The following TAC1 variants were observed in gnomAD, a reference collection of about 807,000 sequenced individuals.
TAC1 encodes tachykinin precursor 1.
A neutral mutation model predicts 21.7 loss-of-function variants in TAC1; 12 were observed. That is an observed-to-expected ratio of 0.55 (90% CI 0.35 to 0.89). The LOEUF (loss-of-function observed/expected upper bound fraction) is 0.89, where lower values mean the gene tolerates loss of function less well. Among genes scored for constraint, TAC1 ranks in the 40% least tolerant of loss-of-function variants. The probability of loss-of-function intolerance (pLI) is 0.01; values close to 1 mark genes in which losing one functional copy is unlikely to be tolerated. For synonymous variants in TAC1, 52 were observed against 52.0 expected, an observed-to-expected ratio of 1.00 and a Z score of 0.00; for missense variants, 128 against 151.4, an observed-to-expected ratio of 0.85 and a Z score of 0.81.
chr7:97,733,884 A>G, intron 3 of TAC1, 65 bp downstream of exon 3: 2 of 1,470,890 alleles, frequency 1.4e-6, no homozygotes, highest in Non-Finnish European at 1.9e-6. Flanking sequence ...TCCTTCCTGG[A>G]GTACCCCAGG....
chr7:97,733,615 G>A, intron 2 of TAC1, 108 bp from the exon 3 acceptor site: 1 of 1,043,638 alleles, frequency 9.6e-7, no homozygotes, highest in Non-Finnish European at 1.4e-6. Context: ...GGGGAAGGCC[G>A]CCTCCCCACG....
chr7:97,732,735 G>T lies in TAC1; in HGVS notation c.123G>T (p.Lys41Asn), dbSNP rs765610639. The T allele has an allele frequency of 1.2e-6, 2 of 1,613,374 alleles. No individual in the cohort carries two copies. Residue 41 changes from lysine to asparagine, a missense_variant and splice_region_variant, in exon 2 of 7, where the codon AAG becomes AAT. Physicochemically the swap from Lys to Asn is moderately conservative, Grantham distance 94. Transcript: ENST00000319273. The surrounding 1 kb of genome is among the most constrained non-coding windows in gnomAD (Gnocchi z 6.2). ...WSDWYDSDQIKEELPEPFEHL... is the reference protein window; with the variant it reads ...WSDWYDSDQINEELPEPFEHL... ...ACTGGTACGACAGCGACCAGATCAA[G>T]GTGAGGCCCCTTCCCAGGACGGCCC...
chr7:97,738,373 C>G (rs1789622765), intron 6 of TAC1, among the ~76,000 whole-genome samples: 1 of 151,930 alleles, frequency 6.6e-6, no homozygotes, highest in African/African-American at 2.4e-5. Context: ...AGAAACTCTG[C>G]TTCCATGTAA....
chr7:97,738,210 T>G (rs908536505), intron 6 of TAC1, among the ~76,000 whole-genome samples: 6 of 151,970 alleles, frequency 3.9e-5, no homozygotes, highest in African/African-American at 1.4e-4. Flanking sequence ...ATCATAGCCT[T>G]AATCTATAGC....
Position 97,732,783 on chromosome 7 carries a change from G to A in TAC1, c.123+48G>A, listed in dbSNP as rs1158503020. On this transcript the variant is annotated intron_variant, in intron 2 of 6. Transcript: ENST00000319273. The surrounding 1 kb of genome is among the most constrained non-coding windows in gnomAD (Gnocchi z 6.2). ...CCCGCACCCTTCTTCCTGGGCTCGG[G>A]AGCTGTCACCTTCCCACGCAACAGC... The A allele has an allele frequency of 2.5e-6, 4 of 1,590,234 alleles. No individual in the cohort carries two copies. The highest frequency in any genetic ancestry group is 3.4e-6 in the Non-Finnish European group (4 of 1,168,332).
chr7:97,736,191 G>A, intron 5 of TAC1, 108 bp from the exon 6 acceptor site: 1 of 830,904 alleles, frequency 1.2e-6, no homozygotes, highest in Non-Finnish European at 1.8e-6. Flanking sequence ...GAAGTAGATA[G>A]ATATTTATTA....
rs1789495860 is a variant in TAC1, at chr7:97,733,806, C to G, written c.207C>G (p.Gly69=). The G allele has an allele frequency of 1.2e-6, 2 of 1,614,044 alleles. No individual in the cohort carries two copies. The highest frequency in any genetic ancestry group is 8.5e-7 in the Non-Finnish European group (1 of 1,180,026). The change falls in exon 3 of 7, where the codon GGC becomes GGG. Residue 69 remains glycine (G), a synonymous_variant. Coordinates refer to ENST00000319273, the MANE Select transcript of TAC1 (RefSeq NM_003182.3). ...PKPQQFFGLM[G]KRDADSSIEK... ...CTCAGCAGTTCTTTGGATTAATGGG[C>G]AAACGGGATGCTGGTGAGATAGGCG...
At chr7:97,737,172 T>C (rs1789591846) in intron 6 of TAC1, among the ~76,000 whole-genome samples, 1 of 152,004 alleles carries the variant, frequency 6.6e-6, no homozygotes, top group African/African-American at 2.4e-5. Flanking sequence ...AGAAGCTCAC[T>C]TTTTGTTAAG....
chr7:97,738,908 A>T (rs1313335496), intron 6 of TAC1, among the ~76,000 whole-genome samples: 1 of 151,800 alleles, frequency 6.6e-6, no homozygotes, highest in Non-Finnish European at 1.5e-5. Flanking sequence ...GTATTCGTTA[A>T]GGATGAAAAA....
chr7:97,734,184 GTTTCCTTGA>G lies in TAC1; in HGVS notation c.221-63_221-55del, dbSNP rs1789506201. 2.7e-6 allele frequency: 4 copies of G among 1,494,106 alleles called. No individual in the cohort carries two copies. In the Admixed American group the frequency reaches 5.1e-5, roughly 19 times the overall value. The allele number at this position is 1,494,106 out of a possible 1,614,324, so 92.6% of individuals were successfully genotyped here. A position where few individuals can be genotyped will look rare whatever the true frequency, so the allele number is the denominator to read the frequency against. ...ACATTTGTCTTGGGATAGAAATATC[GTTTCCTTGA>G]ATTCATCGCACGGTCAGTGGAACAT... On this transcript the variant is annotated intron_variant, in intron 3 of 6. Transcript: ENST00000319273.
In TAC1 at chr7:97,734,309, A is replaced by C; in HGVS notation, c.265+17A>C. 1 of 1,606,498 alleles carries C rather than the reference A, an allele frequency of 6.2e-7. No individual in the cohort carries two copies. Among genetic ancestry groups the C allele is most frequent in the Non-Finnish European group, 8.5e-7 (1 of 1,173,936 alleles). ...CTCTTTATGGTAAACATTCCTATAAATCTTTATTTTACTATTGTGAAAGCA... is the reference window on the plus strand; with the variant it reads ...CTCTTTATGGTAAACATTCCTATAACTCTTTATTTTACTATTGTGAAAGCA... On this transcript the variant is annotated intron_variant, in intron 4 of 6. Transcript: ENST00000319273.
rs916966766 is a variant in TAC1, at chr7:97,739,934, A to G, written c.*14A>G. ...AGAAGACGTTAATAAACTACCTAAC[A>G]TTATTTATTCAGCTTCATTTGTGTC... On this transcript the variant is annotated 3_prime_UTR_variant, in exon 7 of 7. Transcript: ENST00000319273. 3 of 1,589,786 alleles carry G rather than the reference A, an allele frequency of 1.9e-6. No individual in the cohort carries two copies. Among genetic ancestry groups the G allele is most frequent in the African/African-American group, 1.3e-5 (1 of 74,288 alleles).
intron 5 of TAC1, 147 bp from the exon 6 acceptor site, chr7:97,736,152 T>C: frequency 1.8e-6 from 1 of 553,976 alleles, no homozygotes; most frequent in Non-Finnish European, 3.1e-6. Flanking sequence ...TTTTAAGGAA[T>C]CTTTATTTCT....
chr7:97,734,374 T>TA (rs1476355044), intron 4 of TAC1, 82 bp downstream of exon 4: 1 of 1,258,268 alleles, frequency 7.9e-7, no homozygotes, highest in East Asian at 2.4e-5. Context: ...TGGGCTGAAA[T>TA]ACAAGATCTG....
In TAC1 at chr7:97,732,946, C is replaced by A; in HGVS notation, c.123+211C>A. 1 of 610,784 alleles carries A rather than the reference C, an allele frequency of 1.6e-6. No individual in the cohort carries two copies. Among genetic ancestry groups the A allele is most frequent in the Non-Finnish European group, 2.7e-6 (1 of 366,932 alleles). 37.8% of individuals were successfully genotyped at this position (610,784 alleles called of 1,614,324 possible). On this transcript the variant is annotated intron_variant, in intron 2 of 6. Coordinates refer to ENST00000319273, the MANE Select transcript of TAC1 (RefSeq NM_003182.3). This position sits in a 1 kb window ranked among gnomAD's most constrained non-coding sequence, Gnocchi z 6.2. ...TTCAAGTTTCTTCCCGAGGGCTGCA[C>A]CGTCCGGCCCAGGAACTCCCTGCAG...
At chr7:97,734,344 A>T (rs1406698656) in intron 4 of TAC1, 52 bp downstream of exon 4, 2 of 1,520,508 alleles carry the variant, frequency 1.3e-6, no homozygotes, top group Admixed American at 3.5e-5. Flanking sequence ...ACATGTAGGA[A>T]AGTGAAATAA....
intron 4 of TAC1, 33 bp downstream of exon 4, chr7:97,734,325 TG>T: frequency 6.3e-7 from 1 of 1,578,782 alleles, no homozygotes; most frequent in Non-Finnish European, 8.7e-7. Context: ...ATTTTACTAT[TG>T]TGAAAGCACA....
At chr7:97,739,768 A>G in intron 6 of TAC1, 106 bp from the exon 7 acceptor site, 1 of 674,646 alleles carries the variant, frequency 1.5e-6, no homozygotes, top group Admixed American at 3.3e-5. Flanking sequence ...TAGAGGGAAA[A>G]TGTCATTATG....
chr7:97,732,790 C>G lies in TAC1; in HGVS notation c.123+55C>G. 1 of 1,582,736 alleles carries G rather than the reference C, an allele frequency of 6.3e-7. No homozygotes were observed. The highest frequency in any genetic ancestry group is 1.3e-5 in the African/African-American group (1 of 74,270). The stretch of plus-strand genomic sequence containing the variant: ...CCTTCTTCCTGGGCTCGGGAGCTGT[C>G]ACCTTCCCACGCAACAGCACCCTAG... On this transcript the variant is annotated intron_variant, in intron 2 of 6. Transcript: ENST00000319273. This position sits in a 1 kb window ranked among gnomAD's most constrained non-coding sequence, Gnocchi z 6.2.
Sources: allele counts gnomAD v4.1 joint callset (sites outside exome capture counted in the v4.1 genomes callset), GRCh38; gene constraint gnomAD v4.1.1; non-coding constraint Gnocchi (gnomAD v3.1); transcripts MANE v1.5; gene names NCBI Gene and HGNC (gene_info 2026-07-23, HGNC 2026-07-21).